The following TENM3 variants were observed in gnomAD, a reference collection of about 807,000 sequenced individuals.
The protein encoded by TENM3 is teneurin-3.
In TENM3, 63 loss-of-function variants were observed where a neutral mutation model predicts 255.1. The ratio of observed to expected loss-of-function variants is 0.25; its 90% confidence interval spans 0.20 to 0.30. The LOEUF (loss-of-function observed/expected upper bound fraction) is 0.30. Ranked by LOEUF, TENM3 falls within the 10% of genes least tolerant of loss-of-function variation. TENM3 has a pLI of 1.00. For missense variants in TENM3, 2,929 were observed against 3,461.1 expected, an observed-to-expected ratio of 0.85 and a Z score of 3.86; for synonymous variants, 1,306 against 1,322.3, an observed-to-expected ratio of 0.99 and a Z score of 0.27.
Position 182,793,929 on chromosome 4 carries a change from A to G in TENM3, c.7213+44A>G. On this transcript the variant is annotated intron_variant, in intron 26 of 27. Coordinates refer to ENST00000511685, the MANE Select transcript of TENM3 (RefSeq NM_001080477.4). This position sits in a 1 kb window ranked among gnomAD's most constrained non-coding sequence, Gnocchi z 5.7. ...TCCCAAGAGCTGGAGGACTACCATC[A>G]TTAGATTAATACACAAAATAACTGG... The G allele has an allele frequency of 6.7e-6, 10 of 1,494,230 alleles. No individual in the cohort carries two copies. The highest frequency in any genetic ancestry group is 9.0e-6 in the Non-Finnish European group (10 of 1,110,388). The allele number at this position is 1,494,230 out of a possible 1,614,324, so 92.6% of individuals were successfully genotyped here. A position where few individuals can be genotyped will look rare whatever the true frequency, so the allele number is the denominator to read the frequency against.
intron 3 of TENM3, among the ~76,000 whole-genome samples, chr4:182,513,647 C>T (rs992951191): frequency 3.9e-5 from 6 of 152,156 alleles, no homozygotes; most frequent in Non-Finnish European, 5.9e-5. Flanking sequence ...ATTCAGGTGA[C>T]AGATGTGGAG....
the TENM3 span, among the ~76,000 whole-genome samples, chr4:181,606,667 C>G: frequency 2.0e-5 from 3 of 152,014 alleles, no homozygotes; most frequent in Non-Finnish European, 2.9e-5. Flanking sequence ...CTGTAGCCAC[C>G]AGTGCCAGGC....
At chr4:182,322,413 G>A (rs1391488464) in intron 1 of TENM3, among the ~76,000 whole-genome samples, 1 of 152,192 alleles carries the variant, frequency 6.6e-6, no homozygotes, top group African/African-American at 2.4e-5. Flanking sequence ...AGACATAGCA[G>A]GGAGGAACAC....
the TENM3 span, among the ~76,000 whole-genome samples, chr4:181,704,462 A>G: frequency 6.6e-6 from 1 of 152,198 alleles, no homozygotes; most frequent in Non-Finnish European, 1.5e-5. Flanking sequence ...ATCCCTCACC[A>G]GTATGTCATC....
chr4:181,700,168 A>G, the TENM3 span, among the ~76,000 whole-genome samples: 7 of 152,154 alleles, frequency 4.6e-5, no homozygotes, highest in South Asian at 2.1e-4. Flanking sequence ...ATGCTCATGA[A>G]AATTGCCTCC....
chr4:182,331,752 A>C (rs2150555542), intron 2 of TENM3, among the ~76,000 whole-genome samples: 1 of 152,350 alleles, frequency 6.6e-6, no homozygotes, highest in African/African-American at 2.4e-5. Flanking sequence ...AAAAACTCTC[A>C]GTAGGATAAA....
the TENM3 span, among the ~76,000 whole-genome samples, chr4:181,979,713 A>C: frequency 0.012 from 1,866 of 152,202 alleles, 33 homozygotes; most frequent in African/African-American, 0.042. Flanking sequence ...CACCGTCACA[A>C]CCTCATCTCA....
the TENM3 span, among the ~76,000 whole-genome samples, chr4:182,017,032 T>G: frequency 6.6e-6 from 1 of 152,352 alleles, no homozygotes; most frequent in African/African-American, 2.4e-5. Context: ...TGCCTTACAA[T>G]GGACACATAT....
intron 6 of TENM3, among the ~76,000 whole-genome samples, chr4:182,654,541 A>G (rs1753597130): frequency 6.6e-6 from 1 of 152,136 alleles, no homozygotes; most frequent in Admixed American, 6.6e-5. Context: ...GTGTGTGTAC[A>G]TGTCTTGGCC....
chr4:182,169,707 C>T (rs990755965), intron 1 of TENM3, among the ~76,000 whole-genome samples: 3 of 151,988 alleles, frequency 2.0e-5, no homozygotes, highest in Admixed American at 2.0e-4. Context: ...TTGTTAACAG[C>T]AAAAGACCTC....
chr4:182,500,229 A>T (rs1736182664), intron 3 of TENM3, among the ~76,000 whole-genome samples: 1 of 152,202 alleles, frequency 6.6e-6, no homozygotes, highest in Non-Finnish European at 1.5e-5. Flanking sequence ...GACAAAGAAG[A>T]GCTTTAAAAA....
chr4:181,978,847 A>G, the TENM3 span, among the ~76,000 whole-genome samples: 1 of 151,102 alleles, frequency 6.6e-6, no homozygotes, highest in African/African-American at 2.4e-5. Flanking sequence ...CAAGGGAAGT[A>G]TGAATTGTGG....
At chr4:181,824,624 TAAC>T in the TENM3 span, among the ~76,000 whole-genome samples, 2 of 152,076 alleles carry the variant, frequency 1.3e-5, no homozygotes, top group Non-Finnish European at 2.9e-5. Flanking sequence ...GGCTAAATCA[TAAC>T]AACATGAGTT....
At chr4:182,158,887 T>C (rs11942154) in intron 1 of TENM3, among the ~76,000 whole-genome samples, 50,283 of 152,102 alleles carry the variant, frequency 0.33, 8,695 homozygotes, top group Admixed American at 0.41. Context: ...TTAAATGTGA[T>C]ACATTGGAAT....
the TENM3 span, among the ~76,000 whole-genome samples, chr4:182,103,269 TACAC>T: frequency 6.6e-6 from 1 of 152,222 alleles, no homozygotes; most frequent in African/African-American, 2.4e-5. Flanking sequence ...CCAATTAAGA[TACAC>T]TTTTAATATT....
At chr4:181,940,382 G>A in the TENM3 span, among the ~76,000 whole-genome samples, 2 of 152,072 alleles carry the variant, frequency 1.3e-5, no homozygotes, top group African/African-American at 4.8e-5. Flanking sequence ...AGCTTCGCCA[G>A]AATCACTGAT....
At chr4:182,367,470 G>T (rs1441371935) in intron 3 of TENM3, among the ~76,000 whole-genome samples, 1 of 152,134 alleles carries the variant, frequency 6.6e-6, no homozygotes, top group African/African-American at 2.4e-5. Context: ...CGATGAGCTT[G>T]GAATTGATGA....
At chr4:182,055,790 A>G in the TENM3 span, among the ~76,000 whole-genome samples, 1 of 152,136 alleles carries the variant, frequency 6.6e-6, no homozygotes, top group African/African-American at 2.4e-5. Flanking sequence ...CTTAAGCTGG[A>G]ATGCTGACTT....
chr4:182,709,593 G>A (rs888916131), intron 12 of TENM3, among the ~76,000 whole-genome samples: 2 of 151,768 alleles, frequency 1.3e-5, no homozygotes, highest in Non-Finnish European at 2.9e-5. Flanking sequence ...TTATATTGTT[G>A]CAATTATTAC....
Sources: allele counts gnomAD v4.1 joint callset (sites outside exome capture counted in the v4.1 genomes callset), GRCh38; gene constraint gnomAD v4.1.1; non-coding constraint Gnocchi (gnomAD v3.1); transcripts MANE v1.5; gene names NCBI Gene and HGNC (gene_info 2026-07-23, HGNC 2026-07-21).